The following TMPRSS9 variants were observed in gnomAD, a reference collection of about 807,000 sequenced individuals.
The protein encoded by TMPRSS9 is transmembrane protease serine 9.
A neutral mutation model predicts 111.4 loss-of-function variants in TMPRSS9; 113 were observed. That is an observed-to-expected ratio of 1.01 (90% confidence interval 0.87 to 1.19). The LOEUF (loss-of-function observed/expected upper bound fraction) is 1.19. Ranked by LOEUF, TMPRSS9 falls within the 50% of genes most tolerant of loss-of-function variation. TMPRSS9 has a pLI of 0.00. For missense variants in TMPRSS9, 1,803 were observed against 1,513.1 expected, an observed-to-expected ratio of 1.19 and a Z score of -3.18; for synonymous variants, 805 against 659.1, an observed-to-expected ratio of 1.22 and a Z score of -3.39.
At chr19:2,418,252 C>CTCCTTCCCTCCTGTTTCTTCCCTCCTTG (rs1568189042) in intron 13 of TMPRSS9, 114 bp downstream of exon 14, 3 of 1,086,202 alleles carry the variant, frequency 2.8e-6, no homozygotes, top group African/African-American at 4.4e-5. Context: ...CCTTCCCCCC[C>CTCCTTCCCTCCTGTTTCTTCCCTCCTTG]TCCTTCCCTC....
intron 1 of TMPRSS9, among the ~76,000 whole-genome samples, chr19:2,377,479 C>CCCTCT: frequency 4.2e-5 from 3 of 71,740 alleles, no homozygotes; most frequent in African/African-American, 1.6e-4. Flanking sequence ...CTCCCCTCTC[C>CCCTCT]TCTCTCCCCC....
At chr19:2,424,468 C>CA (rs1050125623) in intron 15 of TMPRSS9, among the ~76,000 whole-genome samples, 3 of 151,174 alleles carry the variant, frequency 2.0e-5, no homozygotes, top group Non-Finnish European at 4.4e-5. Flanking sequence ...CTAGCCTGAC[C>CA]ACACGGGGCT....
upstream of TMPRSS9, among the ~76,000 whole-genome samples, chr19:2,388,663 C>T (rs147218576): frequency 6.6e-6 from 1 of 152,116 alleles, no homozygotes. Context: ...CTCTGTCACC[C>T]AGGCTGGAGT....
intron 10 of TMPRSS9, among the ~76,000 whole-genome samples, chr19:2,415,223 G>A (rs912971071): frequency 1.3e-5 from 2 of 152,102 alleles, no homozygotes; most frequent in African/African-American, 4.8e-5. Flanking sequence ...GGGATAACAG[G>A]CATGAGCCAC....
At chr19:2,424,029 G>T in intron 14 of TMPRSS9, 60 bp from the exon 16 acceptor site, 1 of 1,245,584 alleles carries the variant, frequency 8.0e-7, no homozygotes, top group Admixed American at 4.2e-5. Context: ...GGCGCCCAGG[G>T]GGGCCTTCGT....
chr19:2,400,954 T>C (rs1247176025), intron 4 of TMPRSS9, among the ~76,000 whole-genome samples: 3 of 127,178 alleles, frequency 2.4e-5, no homozygotes, highest in South Asian at 4.8e-4. Flanking sequence ...GTAGCCTGGG[T>C]AACAGAGTGA....
chr19:2,377,859 T>C (rs1410446371), intron 1 of TMPRSS9, among the ~76,000 whole-genome samples: 1 of 147,304 alleles, frequency 6.8e-6, no homozygotes, highest in Non-Finnish European at 1.5e-5. Context: ...ACTACAGATA[T>C]GTGCCACTAT....
intron 2 of TMPRSS9, among the ~76,000 whole-genome samples, chr19:2,397,696 G>A: frequency 6.8e-6 from 1 of 147,520 alleles, no homozygotes; most frequent in East Asian, 1.9e-4. Flanking sequence ...GAGGAGAGTG[G>A]ATACCTGAGG....
intron 13 of TMPRSS9, among the ~76,000 whole-genome samples, chr19:2,420,028 T>A (rs1016203341): frequency 2.0e-5 from 3 of 151,624 alleles, no homozygotes; most frequent in Admixed American, 2.0e-4. Flanking sequence ...TCAGGCAGAG[T>A]GGCAGGTGCC....
rs116772876 is a variant in TMPRSS9, at chr19:2,408,308, G to C, written c.843-48G>C. 3.0e-3 allele frequency: 4,804 copies of C among 1,589,738 alleles called. 132 individuals are homozygous for C. In the African/African-American group the frequency reaches 0.057, roughly 19 times the overall value. On this transcript the variant is annotated intron_variant, in intron 7 of 17. Coordinates refer to ENST00000648592, the Ensembl canonical transcript of TMPRSS9. ...GGCGAGTGTCCCGTCTGCCTCCCCC[G>C]ACGGCTCTGACCCTCGGTGGCTTCT...
chr19:2,403,297 A>T, intron 6 of TMPRSS9, 102 bp downstream of exon 7: 1 of 975,274 alleles, frequency 1.0e-6, no homozygotes, highest in East Asian at 2.6e-5. Flanking sequence ...CTGGGCACAC[A>T]GGCCTGGCAT....
intron 9 of TMPRSS9, among the ~76,000 whole-genome samples, chr19:2,412,860 G>A (rs1375855759): frequency 6.6e-6 from 1 of 152,102 alleles, no homozygotes; most frequent in Non-Finnish European, 1.5e-5. Flanking sequence ...CCAGAATCTG[G>A]AGAAAATGCT....
chr19:2,399,002 T>C lies in TMPRSS9; in HGVS notation c.339-16T>C. ...GAGCCCCTCCCTCTCCAAGGGCCTCTCCTCCATACCTGTAGGGATGGGAAC... is the reference window on the plus strand; with the variant it reads ...GAGCCCCTCCCTCTCCAAGGGCCTCCCCTCCATACCTGTAGGGATGGGAAC... On this transcript the variant is annotated splice_polypyrimidine_tract_variant and intron_variant, in intron 3 of 17. Coordinates refer to ENST00000648592, the Ensembl canonical transcript of TMPRSS9. 1 of 1,606,870 alleles carries C rather than the reference T, an allele frequency of 6.2e-7. No individual in the cohort carries two copies.
chr19:2,390,042 C>T (rs1181399397), intron 1 of TMPRSS9, 115 bp downstream of exon 2: 31 of 1,389,834 alleles, frequency 2.2e-5, no homozygotes, highest in East Asian at 9.3e-5. Context: ...AGTGTCTAGG[C>T]GTGGAGATGA....
chr19:2,399,855 C>A (rs183028585), intron 4 of TMPRSS9, among the ~76,000 whole-genome samples: 14 of 152,164 alleles, frequency 9.2e-5, no homozygotes, highest in Admixed American at 7.2e-4. Flanking sequence ...GACTCACTCC[C>A]GAGTAGCTGG....
In TMPRSS9 at chr19:2,408,407, C is replaced by T. The variant is rs1182552413; in HGVS notation, c.894C>T (p.Ser298=). ...CCTACGTGGGTGCGACCTACCTCAG[C>T]GGCTCGGAGGCCAGCACCGTGCGGG... The change falls in exon 8 of 18, where the codon AGC becomes AGT. Residue 298 remains serine (S), a synonymous_variant. Transcript: ENST00000648592. 1.3e-5 allele frequency: 21 copies of T among 1,613,714 alleles called. No homozygotes were observed. In the African/African-American group the frequency reaches 1.3e-4, roughly 10 times the overall value.
intron 1 of TMPRSS9, among the ~76,000 whole-genome samples, chr19:2,395,458 G>T (rs1234282069): frequency 6.6e-6 from 1 of 151,934 alleles, no homozygotes; most frequent in Non-Finnish European, 1.5e-5. Flanking sequence ...GGGCGCGGTG[G>T]CTCATGCCTG....
chr19:2,421,857 G>A, exon 14 of TMPRSS9: 1 of 1,598,158 alleles, frequency 6.3e-7, no homozygotes, highest in South Asian at 1.1e-5. Flanking sequence ...TTTCTAGGGT[G>A]ACTCTGGGGG....
At chr19:2,390,443 C>A (rs941794903) in intron 1 of TMPRSS9, among the ~76,000 whole-genome samples, 1 of 149,252 alleles carries the variant, frequency 6.7e-6, no homozygotes, top group African/African-American at 2.4e-5. Flanking sequence ...CGGGGTTTCA[C>A]CGTGTTAGCC....
Sources: allele counts gnomAD v4.1 joint callset (sites outside exome capture counted in the v4.1 genomes callset), GRCh38; gene constraint gnomAD v4.1.1; transcripts MANE v1.5; gene names NCBI Gene and HGNC (gene_info 2026-07-23, HGNC 2026-07-21).